The following CAVIN3 variants were observed in gnomAD, a reference collection of about 807,000 sequenced individuals.
The protein encoded by CAVIN3 is caveolae associated protein 3.
Under a neutral mutation model 8.2 loss-of-function variants are expected in CAVIN3, and 11 were observed. The observed-to-expected ratio is 1.35, with a 90% confidence interval of 0.85 to 2.23. CAVIN3 has a LOEUF of 2.23. Ranked by LOEUF, CAVIN3 falls within the 30% of genes most tolerant of loss-of-function variation. The pLI, the probability that CAVIN3 is intolerant of heterozygous loss-of-function variation, is 0.00. For synonymous variants in CAVIN3, 191 were observed against 166.3 expected (o/e 1.15, Z -1.14); for missense variants, 401 against 359.5 (o/e 1.12, Z -0.93).
intron 1 of CAVIN3, 64 bp from the exon 2 acceptor site, chr11:6,319,628 T>G: frequency 4.0e-6 from 6 of 1,518,892 alleles, no homozygotes; most frequent in Non-Finnish European, 5.3e-6. Flanking sequence ...CGAAACTCAC[T>G]CCTTAATTAC....
Position 6,319,219 on chromosome 11 carries a change from G to A in CAVIN3, c.730C>T (p.Pro244Ser), listed in dbSNP as rs1449174194. 1.3e-6 allele frequency: 2 copies of A among 1,566,462 alleles called. No individual in the cohort carries two copies. Among genetic ancestry groups the A allele is most frequent in the East Asian group, 4.5e-5 (2 of 44,536 alleles). The stretch of plus-strand genomic sequence containing the variant: ...TCTTCGGCAGCCCCAGGTCTCCCGG[G>A]ATCTTCCTCGGTGTCCTGCGGAGGC... ...PEPPQDTEEDPGRPGAAEEAL... is the reference protein window; with the variant it reads ...PEPPQDTEEDSGRPGAAEEAL... Residue 244 changes from proline (P) to serine (S), a missense_variant, in exon 2 of 2, where the codon CCC (proline) becomes TCC (serine). Physicochemically the swap from Pro to Ser is moderately conservative, Grantham distance 74. Coordinates refer to ENST00000303927, the MANE Select transcript of CAVIN3 (RefSeq NM_145040.3).
chr11:6,320,202 G>T lies in CAVIN3; in HGVS notation c.275C>A (p.Ala92Asp). ...LAKAERVSSH[A>D]NAAQERAVRR... is the part of the protein sequence containing the mutation. ...CACCGCGCGCTCTTGGGCGGCGTTGGCGTGCGAGCTCACGCGCTCCGCCTT... is the reference window on the plus strand; with the variant it reads ...CACCGCGCGCTCTTGGGCGGCGTTGTCGTGCGAGCTCACGCGCTCCGCCTT... Residue 92 changes from alanine (A) to aspartate (D), a missense_variant, in exon 1 of 2, where the codon GCC becomes GAC. Ala to Asp is a moderately radical substitution (Grantham distance 126, BLOSUM62 -2). Transcript: ENST00000303927. 1 of 1,567,316 alleles carries T rather than the reference G, an allele frequency of 6.4e-7. No homozygotes were observed. The highest frequency in any genetic ancestry group is 8.6e-7 in the Non-Finnish European group (1 of 1,164,152).
chr11:6,319,281 TCCGG>T lies in CAVIN3; in HGVS notation c.664_667del (p.Pro222LysfsTer38). 6.2e-7 allele frequency: 1 copy of T among 1,609,234 alleles called. No homozygotes were observed. The highest frequency in any genetic ancestry group is 8.5e-7 in the Non-Finnish European group (1 of 1,177,832). ...CGTGGGCTCCAGCGCAGGCTGGGCT[TCCGG>T]CTGGGCTTCAGCGCTCCGGCCAGGC... On this transcript the variant is annotated frameshift_variant, in exon 2 of 2. Transcript: ENST00000303927. LOFTEE classifies it low-confidence loss of function (END_TRUNC).
In CAVIN3 at chr11:6,319,094, G is replaced by C. The variant is rs1846763269; in HGVS notation, c.*69C>G. On this transcript the variant is annotated 3_prime_UTR_variant, in exon 2 of 2. Coordinates refer to ENST00000303927, the MANE Select transcript of CAVIN3 (RefSeq NM_145040.3). ...GGATTCGCTCCTTATTAGGGCGTGA[G>C]TGCTACATTCTGAAAGGATTTATTT... 2.0e-6 allele frequency: 3 copies of C among 1,467,978 alleles called. No individual in the cohort carries two copies. The highest frequency in any genetic ancestry group is 2.7e-6 in the Non-Finnish European group (3 of 1,097,240). The allele number at this position is 1,467,978 out of a possible 1,614,324, so 90.9% of individuals were successfully genotyped here.
intron 1 of CAVIN3, 70 bp from the exon 2 acceptor site, chr11:6,319,634 A>C: frequency 6.6e-7 from 1 of 1,506,782 alleles, no homozygotes; most frequent in Non-Finnish European, 8.9e-7. Context: ...TCACTCCTTA[A>C]TTACACAAGG....
chr11:6,319,332 G>T lies in CAVIN3; in HGVS notation c.617C>A (p.Pro206Gln), dbSNP rs373445694. ...AGGCCCAAGGCGAGGCGGCTTGACC[G>T]GGGTGGGCGGTGGCGCTGCAGGGCC... ...RKGPAAPPPT[P>Q]VKPPRLGPGR... The change falls in exon 2 of 2, where the codon CCG becomes CAG. Residue 206 changes from proline to glutamine, a missense_variant. Transcript: ENST00000303927. 6.2e-7 allele frequency: 1 copy of T among 1,600,884 alleles called. No homozygotes were observed. Among genetic ancestry groups the T allele is most frequent in the South Asian group, 1.1e-5 (1 of 89,430 alleles).
At chr11:6,319,734 G>A (rs1590695344) in intron 1 of CAVIN3, 170 bp from the exon 2 acceptor site, 2 of 851,600 alleles carry the variant, frequency 2.3e-6, no homozygotes, top group Non-Finnish European at 3.8e-6. Flanking sequence ...ACTGCAAAAC[G>A]CTGTAAAGTA....
intron 1 of CAVIN3, 144 bp downstream of exon 1, chr11:6,319,949 G>A: frequency 4.2e-6 from 4 of 951,768 alleles, no homozygotes; most frequent in East Asian, 5.3e-5. Context: ...AGTGGGTGCG[G>A]CTCTGTGAGT....
In CAVIN3 at chr11:6,319,312, C is replaced by T; in HGVS notation, c.637G>A (p.Gly213Arg). The part of the protein sequence containing the change: ...PPTPVKPPRL[G>R]PGRSAEAQPE... ...TGGGCTTCAGCGCTCCGGCCAGGCC[C>T]AAGGCGAGGCGGCTTGACCGGGGTG... is the stretch of plus-strand genomic sequence containing the variant. The change falls in exon 2 of 2, where the codon GGG (glycine) becomes AGG (arginine). Residue 213 changes from glycine (G) to arginine (R), a missense_variant. Gly to Arg is a moderately radical substitution (Grantham distance 125, BLOSUM62 -2). Transcript: ENST00000303927. 1 of 1,605,926 alleles carries T rather than the reference C, an allele frequency of 6.2e-7. No individual in the cohort carries two copies. Among genetic ancestry groups the T allele is most frequent in the Non-Finnish European group, 8.5e-7 (1 of 1,176,596 alleles).
In CAVIN3 at chr11:6,320,327, C is replaced by T; in HGVS notation, c.150G>A (p.Gln50=). 2 of 1,564,338 alleles carry T rather than the reference C, an allele frequency of 1.3e-6. No homozygotes were observed. Among genetic ancestry groups the T allele is most frequent in the Non-Finnish European group, 1.7e-6 (2 of 1,163,952 alleles). Residue 50 remains glutamine, a synonymous_variant, in exon 1 of 2, where the codon CAG becomes CAA. Transcript: ENST00000303927. ...GGCGCACGGACCCTGCCAGGCCTCC[C>T]TGCCTTCGAGCCAGGCCTCCCTGCC... ...RERQGGLARR[Q]GGLAGSVRRI...
chr11:6,319,822 G>A, intron 1 of CAVIN3: 2 of 666,522 alleles, frequency 3.0e-6, no homozygotes, highest in South Asian at 1.8e-5. Flanking sequence ...TTATTTTAGG[G>A]ATTGGCTGGG....
In CAVIN3 at chr11:6,319,517, G is replaced by T; in HGVS notation, c.432C>A (p.Pro144=). The T allele has an allele frequency of 6.3e-7, 1 of 1,596,454 alleles. No homozygotes were observed. The part of the protein sequence containing the change: ...PASAFQKAPE[P]LGPADQSELG... ...GCTCGGACTGGTCCGCCGGGCCCAA[G>T]GGCTCTGGTGCCTTCTGGAAAGCGC... is the stretch of plus-strand genomic sequence containing the variant. The change falls in exon 2 of 2, where the codon CCC becomes CCA. Residue 144 remains proline (P), a synonymous_variant. Transcript: ENST00000303927.
chr11:6,319,332 G>A lies in CAVIN3; in HGVS notation c.617C>T (p.Pro206Leu), dbSNP rs373445694. Residue 206 changes from proline (P) to leucine (L), a missense_variant, in exon 2 of 2, where the codon CCG (proline) becomes CTG (leucine). Transcript: ENST00000303927. ...RKGPAAPPPT[P>L]VKPPRLGPGR... is the part of the protein sequence containing the mutation. ...AGGCCCAAGGCGAGGCGGCTTGACC[G>A]GGGTGGGCGGTGGCGCTGCAGGGCC... 6.9e-6 allele frequency: 11 copies of A among 1,600,884 alleles called. 1 individual carries two copies. The African/African-American group carries it at 9.4e-5, about 14-fold the overall frequency.
chr11:6,320,252 G>A lies in CAVIN3; in HGVS notation c.225C>T (p.Ser75=). 1 of 1,564,942 alleles carries A rather than the reference G, an allele frequency of 6.4e-7. No individual in the cohort carries two copies. Among genetic ancestry groups the A allele is most frequent in the South Asian group, 1.1e-5 (1 of 87,030 alleles). Reference sequence around the variant, plus strand: ...TGGCCAGCAGCTGCGCCAAGGTGTTGCTGGTGGTGTCGTGGCTGCGACTCA... The same window carrying A: ...TGGCCAGCAGCTGCGCCAAGGTGTTACTGGTGGTGTCGTGGCTGCGACTCA... ...GALSRSHDTT[S]NTLAQLLAKA... Residue 75 remains serine, a synonymous_variant, in exon 1 of 2, where the codon AGC becomes AGT. Transcript: ENST00000303927.
rs1436087202 is a variant in CAVIN3 at position 6,319,433 on chromosome 11, C to G, written c.516G>C (p.Glu172Asp). 2 of 1,611,682 alleles carry G rather than the reference C, an allele frequency of 1.2e-6. No individual in the cohort carries two copies. The highest frequency in any genetic ancestry group is 1.1e-5 in the South Asian group (1 of 90,936). ...VGESSDEEPV[E>D]SRAQRLRRTG... ...TGCGCCGCAGCCGCTGGGCCCTGGA[C>G]TCCACCGGCTCCTCGTCCGAGCTCT... Residue 172 changes from glutamate (E) to aspartate (D), a missense_variant, in exon 2 of 2, where the codon GAG becomes GAC. Transcript: ENST00000303927.
chr11:6,319,963 T>G (rs1417053139), intron 1 of CAVIN3, 130 bp downstream of exon 1: 1 of 1,059,430 alleles, frequency 9.4e-7, no homozygotes, highest in African/African-American at 1.6e-5. Flanking sequence ...TGTGAGTCTG[T>G]TCCACAGCAA....
chr11:6,319,764 C>A (rs1034334204), intron 1 of CAVIN3, 200 bp from the exon 2 acceptor site: 1 of 731,280 alleles, frequency 1.4e-6, no homozygotes, highest in Non-Finnish European at 2.4e-6. Context: ...TGGTGAGGGG[C>A]GAGAAGAGGA....
Position 6,319,043 on chromosome 11 carries a change from C to A in CAVIN3, c.*120G>T. 1 of 1,060,896 alleles carries A rather than the reference C, an allele frequency of 9.4e-7. No individual in the cohort carries two copies. The highest frequency in any genetic ancestry group is 1.3e-6 in the Non-Finnish European group (1 of 751,734). 65.7% of individuals were successfully genotyped at this position (1,060,896 alleles called of 1,614,324 possible). On this transcript the variant is annotated 3_prime_UTR_variant, in exon 2 of 2. Transcript: ENST00000303927. ...AGGACTGGGCTTAAGGAAGGGAGGG[C>A]CAGAGCGCCCGCCTTGGTGGATGTA...
In CAVIN3 at chr11:6,320,137, C is replaced by T. The variant is rs754616190; in HGVS notation, c.340G>A (p.Gly114Arg). Residue 114 changes from glycine to arginine, a missense_variant, in exon 1 of 2, where the codon GGG becomes AGG. Gly to Arg is a moderately radical substitution (Grantham distance 125). Coordinates refer to ENST00000303927, the MANE Select transcript of CAVIN3 (RefSeq NM_145040.3). Reference protein sequence around the residue: ...AQVQRLEANHGLLVARGKLHV... With the variant: ...AQVQRLEANHRLLVARGKLHV... ...AGCTTCCCGCGCGCCACCAGCAGCC[C>T]GTGGTTGGCCTCCAGCCGCTGCACC... 5.7e-6 allele frequency: 9 copies of T among 1,588,516 alleles called. No individual in the cohort carries two copies. The highest frequency in any genetic ancestry group is 4.5e-5 in the East Asian group (2 of 44,118).
Sources: gnomAD v4.1 joint callset for allele counts on GRCh38, gnomAD v4.1.1 for gene constraint, MANE v1.5 for transcripts, NCBI Gene and HGNC (gene_info 2026-07-23, HGNC 2026-07-21) for gene names.